Variants in FNDC1 observed in about 807,000 individuals in gnomAD.
The protein encoded by FNDC1 is fibronectin type III domain-containing protein 1.
FNDC1 carries 96 observed loss-of-function variants against 168.0 expected under a neutral mutation model. The observed-to-expected ratio is 0.57, with a 90% CI of 0.48 to 0.68. The LOEUF (loss-of-function observed/expected upper bound fraction) is 0.68, where lower values mean the gene tolerates loss of function less well. Ranked by LOEUF, FNDC1 falls within the 30% of genes least tolerant of loss-of-function variation. FNDC1 has a pLI of 0.00. For missense variants in FNDC1, 2,587 were observed against 2,482.1 expected, an observed-to-expected ratio of 1.04 and a Z score of -0.90; for synonymous variants, 1,099 against 1,025.9, an observed-to-expected ratio of 1.07 and a Z score of -1.36.
chr6:159,189,962 A>C (rs1018579484), intron 1 of FNDC1, among the ~76,000 whole-genome samples: 1 of 152,228 alleles, frequency 6.6e-6, no homozygotes, highest in African/African-American at 2.4e-5. Context: ...AGGTCAGGAC[A>C]GCAGTAAATT....
intron 5 of FNDC1, 66 bp from the exon 6 acceptor site, chr6:159,221,532 C>G: frequency 1.6e-6 from 2 of 1,287,022 alleles, no homozygotes; most frequent in Middle Eastern, 1.9e-4. Flanking sequence ...CCCGCTCCAG[C>G]CCCAGGGGAT....
intron 5 of FNDC1, among the ~76,000 whole-genome samples, chr6:159,216,095 G>A (rs531398245): frequency 8.7e-4 from 133 of 152,242 alleles, no homozygotes; most frequent in Middle Eastern, 3.4e-3. Flanking sequence ...CCGAGTAGCT[G>A]GGACTACAGG....
At chr6:159,203,721 C>G (rs1271100695) in intron 4 of FNDC1, among the ~76,000 whole-genome samples, 1 of 152,204 alleles carries the variant, frequency 6.6e-6, no homozygotes, top group Non-Finnish European at 1.5e-5. Context: ...TTTCTGCAGA[C>G]TTCTTTTCTG....
chr6:159,182,076 A>G (rs1439990503), intron 1 of FNDC1, among the ~76,000 whole-genome samples: 1 of 152,190 alleles, frequency 6.6e-6, no homozygotes, highest in East Asian at 1.9e-4. Flanking sequence ...CTGATATTCA[A>G]ACAAACCACA....
At chr6:159,188,365 CTTTCTTTTTT>C (rs1782047467) in intron 1 of FNDC1, among the ~76,000 whole-genome samples, 1 of 114,418 alleles carries the variant, frequency 8.7e-6, no homozygotes, top group African/African-American at 4.4e-5. Context: ...GCCTCAATTT[CTTTCTTTTTT>C]TTTTTTTTTT....
At position 159,267,898 on chromosome 6, in the gene FNDC1, C is replaced by T. The variant is rs1177050948; in HGVS notation, c.5541C>T (p.Ser1847=). The change falls in exon 22 of 23, where the codon TCC becomes TCT. Residue 1847 remains serine, a synonymous_variant. Coordinates refer to ENST00000297267, the MANE Select transcript of FNDC1 (RefSeq NM_032532.3). ...SHLDGRTGPQ[S]YVEALPTIQG... ...TTGATGGAAGAACAGGGCCTCAGTC[C>T]TATGTAGAAGCCCTCCCTACTATTC... 6.2e-7 allele frequency: 1 copy of T among 1,611,914 alleles called. No homozygotes were observed. The highest frequency in any genetic ancestry group is 8.5e-7 in the Non-Finnish European group (1 of 1,178,948).
At chr6:159,225,092 A>G (rs1782922833) in intron 7 of FNDC1, among the ~76,000 whole-genome samples, 1 of 152,118 alleles carries the variant, frequency 6.6e-6, no homozygotes, top group Non-Finnish European at 1.5e-5. Context: ...TTGGGATGAA[A>G]TGAGTCTTTT....
chr6:159,246,603 G>A (rs906340931), intron 14 of FNDC1, among the ~76,000 whole-genome samples: 3 of 152,208 alleles, frequency 2.0e-5, no homozygotes, highest in Admixed American at 6.5e-5. Flanking sequence ...GGTGGTGGGA[G>A]GGAGGTGAGA....
At chr6:159,217,279 C>T (rs1782728654) in intron 5 of FNDC1, among the ~76,000 whole-genome samples, 1 of 152,132 alleles carries the variant, frequency 6.6e-6, no homozygotes, top group East Asian at 1.9e-4. Flanking sequence ...CCAAGGCTGG[C>T]GCGGAAACAG....
Position 159,221,667 on chromosome 6 carries a change from G to C in FNDC1, c.737G>C (p.Arg246Thr), listed in dbSNP as rs1275284518. Residue 246 changes from arginine (R) to threonine (T), a missense_variant, in exon 6 of 23, where the codon AGG becomes ACG. Physicochemically the swap from Arg to Thr is moderately conservative, Grantham distance 71. Coordinates refer to ENST00000297267, the MANE Select transcript of FNDC1 (RefSeq NM_032532.3). ...CAGGGCCGGAGCCAACCAGTCTACA[G>C]GGCTGCCCTAACAAAGCGAAAGATT... ...NSQGRSQPVY[R>T]AALTKRKISE... 1 of 1,613,884 alleles carries C rather than the reference G, an allele frequency of 6.2e-7. No homozygotes were observed. The highest frequency in any genetic ancestry group is 8.5e-7 in the Non-Finnish European group (1 of 1,179,874).
chr6:159,188,834 G>A (rs552387197), intron 1 of FNDC1, among the ~76,000 whole-genome samples: 1 of 147,086 alleles, frequency 6.8e-6, no homozygotes, highest in Admixed American at 6.9e-5. Flanking sequence ...TGCAACCTCC[G>A]CCTCCCAGGT....
intron 1 of FNDC1, among the ~76,000 whole-genome samples, chr6:159,178,358 T>G (rs1455721529): frequency 6.6e-6 from 1 of 152,244 alleles, no homozygotes; most frequent in Non-Finnish European, 1.5e-5. Flanking sequence ...TACATACTCC[T>G]AAATCAACAT....
chr6:159,229,738 C>A, intron 9 of FNDC1, 77 bp from the exon 10 acceptor site: 1 of 1,314,260 alleles, frequency 7.6e-7, no homozygotes, highest in Non-Finnish European at 1.0e-6. Flanking sequence ...CTAATTCGTC[C>A]TGCCCATACA....
chr6:159,236,067 T>A, intron 11 of FNDC1, 148 bp from the exon 12 acceptor site: 1 of 584,242 alleles, frequency 1.7e-6, no homozygotes, highest in Non-Finnish European at 3.0e-6. Flanking sequence ...ACTATCATTA[T>A]CTAATATATT....
At chr6:159,269,000 A>G (rs1777653097) in intron 22 of FNDC1, among the ~76,000 whole-genome samples, 1 of 145,380 alleles carries the variant, frequency 6.9e-6, no homozygotes, top group Non-Finnish European at 1.5e-5. Context: ...TTATCCATCC[A>G]TCCATCCATC....
Position 159,233,208 on chromosome 6 carries a change from G to A in FNDC1, c.2696G>A (p.Arg899Lys), listed in dbSNP as rs546087312. Residue 899 changes from arginine (R) to lysine (K), a missense_variant, in exon 11 of 23, where the codon AGG (arginine) becomes AAG (lysine). By Grantham distance (26) the Arg-to-Lys change is conservative. Transcript: ENST00000297267. The surrounding 1 kb of genome is among the most constrained non-coding windows in gnomAD (Gnocchi z 4.6). ...VVNDHVPSSS[R>K]QPISRGWEDL... ...AATGACCACGTGCCTTCCTCCTCCA[G>A]GCAGCCCATCTCCCGGGGCTGGGAG... 3.1e-6 allele frequency: 5 copies of A among 1,613,148 alleles called. No homozygotes were observed. The highest frequency in any genetic ancestry group is 4.2e-6 in the Non-Finnish European group (5 of 1,179,650).
In FNDC1 at chr6:159,245,905, C is replaced by T. The variant is rs1444204051; in HGVS notation, c.4622-996C>T. On this transcript the variant is annotated intron_variant, in intron 14 of 22. Coordinates refer to ENST00000297267, the MANE Select transcript of FNDC1 (RefSeq NM_032532.3). ...CTGGGACTATAGGCGCCCACCACGA[C>T]GCCCGGCTAATTTTTTTTTTGTATT... Among the ~76,000 whole-genome samples the T allele has an allele frequency of 1.9e-4, 6 of 31,208 alleles. 3 individuals are homozygous for T. The highest frequency in any genetic ancestry group is 5.5e-4 in the African/African-American group (6 of 10,878). 20.5% of individuals were successfully genotyped at this position (31,208 alleles called of 152,430 possible).
At chr6:159,184,088 A>C (rs1781942228) in intron 1 of FNDC1, among the ~76,000 whole-genome samples, 1 of 152,222 alleles carries the variant, frequency 6.6e-6, no homozygotes, top group Non-Finnish European at 1.5e-5. Flanking sequence ...AAATCACTTA[A>C]CTCTCTGTGA....
chr6:159,256,186 G>T (rs2115020693), intron 17 of FNDC1, among the ~76,000 whole-genome samples: 1 of 152,294 alleles, frequency 6.6e-6, no homozygotes, highest in East Asian at 1.9e-4. Flanking sequence ...ATGTGTGGAG[G>T]GCACTGCTTT....
Sources: allele counts gnomAD v4.1 joint callset (sites outside exome capture counted in the v4.1 genomes callset), GRCh38; gene constraint gnomAD v4.1.1; non-coding constraint Gnocchi (gnomAD v3.1); transcripts MANE v1.5; gene names NCBI Gene and HGNC (gene_info 2026-07-23, HGNC 2026-07-21).